Variants in A2M observed in about 807,000 individuals in gnomAD.
The protein encoded by A2M is C3 and PZP-like alpha-2-macroglobulin domain-containing protein 5.
A neutral mutation model predicts 183.9 loss-of-function variants in A2M; 128 were observed. The ratio of observed to expected loss-of-function variants is 0.70; its 90% CI spans 0.60 to 0.81. A2M has a LOEUF of 0.81. Ranked by LOEUF, A2M falls within the 30% of genes least tolerant of loss-of-function variation. The pLI, the probability that A2M is intolerant of heterozygous loss-of-function variation, is 0.00. For missense variants in A2M, 1,495 were observed against 1,787.6 expected, an observed-to-expected ratio of 0.84 and a Z score of 2.95; for synonymous variants, 592 against 670.8, an observed-to-expected ratio of 0.88 and a Z score of 1.81.
At chr12:9,091,554 G>A (rs751918204) in intron 18 of A2M, 125 bp from the exon 19 acceptor site, 10 of 959,486 alleles carry the variant, frequency 1.0e-5, no homozygotes, top group Non-Finnish European at 1.5e-5. Context: ...ACCAATAATG[G>A]AGAGTATAAT....
intron 11 of A2M, among the ~76,000 whole-genome samples, 156 bp downstream of exon 11, chr12:9,104,083 C>T (rs929931294): frequency 6.6e-6 from 1 of 152,218 alleles, no homozygotes; most frequent in Non-Finnish European, 1.5e-5. Context: ...GCCTTCTTTT[C>T]ATAAACTTTA....
chr12:9,090,212 G>A, intron 20 of A2M, 144 bp downstream of exon 20: 4 of 1,388,876 alleles, frequency 2.9e-6, no homozygotes, highest in Middle Eastern at 1.8e-4. Context: ...GGATATCCTT[G>A]TAGGCATCTT....
At chr12:9,104,610 A>G (rs1385173783) in intron 10 of A2M, among the ~76,000 whole-genome samples, 1 of 152,176 alleles carries the variant, frequency 6.6e-6, no homozygotes, top group African/African-American at 2.4e-5. Context: ...TACATAACAT[A>G]CACTAATTTA....
rs937474200 is a variant in A2M, at chr12:9,113,674, A to G, written c.87-131T>C. 1.1e-5 allele frequency: 10 copies of G among 946,506 alleles called. No individual in the cohort carries two copies. In the African/African-American group the frequency reaches 1.6e-4, roughly 16 times the overall value. 58.6% of individuals were successfully genotyped at this position (946,506 alleles called of 1,614,324 possible). On this transcript the variant is annotated intron_variant, in intron 1 of 35. Coordinates refer to ENST00000318602, the MANE Select transcript of A2M (RefSeq NM_000014.6). ...GAGAAGATGTACTGATGAGCATGAA[A>G]TTTGGCCGTTGAAGGCCATGCATAA...
At chr12:9,112,326 G>A (rs1177336930) in intron 3 of A2M, 51 bp downstream of exon 3, 1 of 1,598,886 alleles carries the variant, frequency 6.3e-7, no homozygotes, top group Non-Finnish European at 8.6e-7. Context: ...ACATCCAGGG[G>A]AAGAAGATCT....
rs1332569465 is a variant in A2M at position 9,084,195 on chromosome 12, G to A, written c.2771-4018C>T. ...CTGCCTTCAGGAATTACTGAAGGGA[G>A]TTCTTTAAGCTGAAACAAAAGGCCC... On this transcript the variant is annotated intron_variant, in intron 22 of 35. Transcript: ENST00000318602. Among the ~76,000 whole-genome samples, 4 of 152,236 alleles carry A rather than the reference G, an allele frequency of 2.6e-5. No individual in the cohort carries two copies. In the East Asian group the frequency reaches 7.7e-4, roughly 29 times the overall value.
At chr12:9,101,417 T>C (rs1282565401) in intron 12 of A2M, 30 bp downstream of exon 12, 9 of 1,571,576 alleles carry the variant, frequency 5.7e-6, no homozygotes, top group Non-Finnish European at 7.9e-6. Flanking sequence ...TTGTCTACAG[T>C]GAAGTCAACG....
Sources: gnomAD v4.1 joint callset for allele counts (sites outside exome capture counted in the v4.1 genomes callset) on GRCh38, gnomAD v4.1.1 for gene constraint, MANE v1.5 for transcripts, NCBI Gene and HGNC (gene_info 2026-07-23, HGNC 2026-07-21) for gene names.